The following SLC35G1 variants were observed in gnomAD, a reference collection of about 807,000 sequenced individuals.
The protein encoded by SLC35G1 is partner of STIM1.
A neutral mutation model predicts 17.1 loss-of-function variants in SLC35G1; 10 were observed. The observed-to-expected ratio is 0.59, with a 90% CI of 0.36 to 0.99. SLC35G1 has a LOEUF of 0.99. SLC35G1 is among the 50% of genes least tolerant of loss of function. The pLI is 0.01. For missense variants in SLC35G1, 433 were observed against 468.4 expected, an observed-to-expected ratio of 0.92 and a Z score of 0.70; for synonymous variants, 185 against 181.1, an observed-to-expected ratio of 1.02 and a Z score of -0.18.
chr10:93,894,251 G>GGGTCCCGAGCGGGCGCCGGC, intron 1 of SLC35G1, 40 bp downstream of exon 1: 11 of 1,304,758 alleles, frequency 8.4e-6, no homozygotes, highest in Non-Finnish European at 9.7e-6. Context: ...TCTCGCTCGG[G>GGGTCCCGAGCGGGCGCCGGC]GGTCCCGAGC....
At position 93,902,605 on chromosome 10, in the gene SLC35G1, CTTATT is replaced by C. The variant is rs1271723921; in HGVS notation, c.*1118_*1122del. The C allele has an allele frequency of 6.6e-6, 1 of 152,426 alleles. No homozygotes were observed. Among genetic ancestry groups the C allele is most frequent in the Admixed American group, 6.6e-5 (1 of 15,256 alleles). The allele number at this position is 152,426 out of a possible 1,614,324, so 9.4% of individuals were successfully genotyped here. On this transcript the variant is annotated 3_prime_UTR_variant, in exon 3 of 3. Coordinates refer to ENST00000427197, the MANE Select transcript of SLC35G1 (RefSeq NM_001134658.3). ...TTTTAAAATATGGTAATGTATTAAA[CTTATT>C]TTTATAGTTATGAAATTATGTGTAA...
Position 93,900,909 on chromosome 10 carries a change from T to G in SLC35G1, c.517T>G (p.Phe173Val). The G allele has an allele frequency of 6.2e-7, 1 of 1,614,052 alleles. No homozygotes were observed. Among genetic ancestry groups the G allele is most frequent in the Non-Finnish European group, 8.5e-7 (1 of 1,179,964 alleles). The change falls in exon 3 of 3, where the codon TTT (phenylalanine) becomes GTT (valine). Residue 173 changes from phenylalanine (F) to valine (V), a missense_variant. By Grantham distance (50) the Phe-to-Val change is conservative. Transcript: ENST00000427197. ...TAGCAGTCCAGTGTTTACGTCCATA[T>G]TTGCTTGGATATGTCTCAAGGAAAA... ...TFSSPVFTSI[F>V]AWICLKEKYS...
intron 2 of SLC35G1, 24 bp downstream of exon 2, chr10:93,898,775 T>C (rs750937334): frequency 5.7e-6 from 9 of 1,579,102 alleles, no homozygotes; most frequent in Non-Finnish European, 7.7e-6. Flanking sequence ...AACTGCAAAG[T>C]AGAAGATATT....
chr10:93,906,660 C>T (rs958382706), downstream of SLC35G1, among the ~76,000 whole-genome samples: 1 of 152,060 alleles, frequency 6.6e-6, no homozygotes, highest in Non-Finnish European at 1.5e-5. Flanking sequence ...AAAGGTAGGA[C>T]ATTTTCATGG....
Position 93,898,747 on chromosome 10 carries a change from AG to A in SLC35G1, c.356del (p.Arg119LysfsTer6). The A allele has an allele frequency of 6.3e-7, 1 of 1,596,056 alleles. No homozygotes were observed. On this transcript the variant is annotated frameshift_variant, in exon 2 of 3. Coordinates refer to ENST00000427197, the MANE Select transcript of SLC35G1 (RefSeq NM_001134658.3). LOFTEE classifies it high-confidence loss of function. ...AGTTGTTATCCCTTGCTTAATATAC[AG>A]AAAGTAAGTATTTTTTAACTGCAAA... Reference protein sequence around the residue: ...MLVVIPCLIYRKTGFIGPKGQ... With the variant: ...MLVVIPCLIYXKTGFIGPKGQ...
downstream of SLC35G1, among the ~76,000 whole-genome samples, chr10:93,905,058 A>G (rs529540218): frequency 1.1e-4 from 17 of 152,196 alleles, no homozygotes; most frequent in South Asian, 1.2e-3. Context: ...CGCAGGTGTT[A>G]CCACCTTTCC....
downstream of SLC35G1, chr10:93,908,253 C>T (rs1023511868): frequency 6.6e-6 from 1 of 152,228 alleles, no homozygotes; most frequent in Non-Finnish European, 1.5e-5. Flanking sequence ...GCTTCTTAAT[C>T]TTTGTCTCAT....
At chr10:93,895,851 GAGA>G (rs1261838161) in intron 1 of SLC35G1, among the ~76,000 whole-genome samples, 2 of 152,164 alleles carry the variant, frequency 1.3e-5, no homozygotes, top group Admixed American at 6.5e-5. Context: ...CTGAAGCAAG[GAGA>G]AGTAGTTTCT....
chr10:93,908,124 A>G (rs1204476233), downstream of SLC35G1: 1 of 152,218 alleles, frequency 6.6e-6, no homozygotes, highest in Non-Finnish European at 1.5e-5. Context: ...TATATCCTCC[A>G]AGATCCTAGA....
At chr10:93,899,914 C>T (rs2060366712) in intron 2 of SLC35G1, among the ~76,000 whole-genome samples, 1 of 152,148 alleles carries the variant, frequency 6.6e-6, no homozygotes, top group Non-Finnish European at 1.5e-5. Context: ...GTTTTATTAT[C>T]ATGGAAGACT....
chr10:93,899,640 A>C (rs529359375), intron 2 of SLC35G1, among the ~76,000 whole-genome samples: 1 of 152,214 alleles, frequency 6.6e-6, no homozygotes, highest in African/African-American at 2.4e-5. Context: ...GTGCGGATTC[A>C]CTTAGAATAG....
At chr10:93,895,475 CCT>C (rs2060321500) in intron 1 of SLC35G1, among the ~76,000 whole-genome samples, 1 of 152,168 alleles carries the variant, frequency 6.6e-6, no homozygotes, top group Admixed American at 6.5e-5. Context: ...TAAAGTTTCC[CCT>C]TTTTGTGAAT....
intron 2 of SLC35G1, 95 bp from the exon 3 acceptor site, chr10:93,900,657 A>T: frequency 5.9e-6 from 6 of 1,018,186 alleles, no homozygotes; most frequent in South Asian, 2.1e-5. Context: ...ATTTTTTGAT[A>T]TTTAGTACTT....
chr10:93,901,130 A>C lies in SLC35G1; in HGVS notation c.738A>C (p.Gly246=). The C allele has an allele frequency of 6.2e-7, 1 of 1,614,080 alleles. No individual in the cohort carries two copies. The highest frequency in any genetic ancestry group is 1.1e-5 in the South Asian group (1 of 91,078). The stretch of plus-strand genomic sequence containing the variant: ...CTCTAGTTATCCTAAGAAAAATGGG[A>C]AAATCTGTGGACTACTTTCTGAGCA... ...ASTLVILRKM[G]KSVDYFLSIW... is the part of the protein sequence containing the mutation. Residue 246 remains glycine (G), a synonymous_variant, in exon 3 of 3, where the codon GGA becomes GGC. Coordinates refer to ENST00000427197, the MANE Select transcript of SLC35G1 (RefSeq NM_001134658.3).
downstream of SLC35G1, among the ~76,000 whole-genome samples, chr10:93,905,449 A>G (rs1243505961): frequency 4.6e-5 from 7 of 152,172 alleles, no homozygotes; most frequent in Non-Finnish European, 1.0e-4. Context: ...ATTCTGCAAG[A>G]TAACCTATCA....
At position 93,900,734 on chromosome 10, in the gene SLC35G1, C is replaced by T; in HGVS notation, c.360-18C>T. 1 of 1,511,244 alleles carries T rather than the reference C, an allele frequency of 6.6e-7. No individual in the cohort carries two copies. The allele number at this position is 1,511,244 out of a possible 1,614,324, so 93.6% of individuals were successfully genotyped here. A position where few individuals can be genotyped will look rare whatever the true frequency, so the allele number is the denominator to read the frequency against. On this transcript the variant is annotated intron_variant, in intron 2 of 2. Transcript: ENST00000427197. ...TATTAATTTCATTTAATATGCATTT[C>T]TTCATTTGAATTTACAGAACTGGGT...
chr10:93,901,285 G>A lies in SLC35G1; in HGVS notation c.893G>A (p.Gly298Asp). The A allele has an allele frequency of 1.2e-6, 2 of 1,613,852 alleles. No individual in the cohort carries two copies. The highest frequency in any genetic ancestry group is 1.7e-6 in the Non-Finnish European group (2 of 1,179,892). The change falls in exon 3 of 3, where the codon GGT (glycine) becomes GAT (aspartate). Residue 298 changes from glycine to aspartate, a missense_variant. Gly to Asp is a moderately conservative substitution (Grantham distance 94). Coordinates refer to ENST00000427197, the MANE Select transcript of SLC35G1 (RefSeq NM_001134658.3). ...LIFIGLFGLGGQIFITKALQI... is the reference protein window; with the variant it reads ...LIFIGLFGLGDQIFITKALQI... ...TTCATTGGGCTCTTTGGTTTGGGGG[G>A]TCAGATATTTATCACAAAAGCACTT...
chr10:93,908,260 T>G (rs543515801), downstream of SLC35G1: 1 of 152,372 alleles, frequency 6.6e-6, no homozygotes, highest in South Asian at 2.1e-4. Context: ...AATCTTTGTC[T>G]CATTCCCTCA....
intron 2 of SLC35G1, among the ~76,000 whole-genome samples, chr10:93,900,197 T>C (rs541377526): frequency 4.5e-4 from 69 of 152,366 alleles, no homozygotes; most frequent in African/African-American, 1.5e-3. Flanking sequence ...TTGTCTCATA[T>C]TCAATGACTA....
Sources: gnomAD v4.1 joint callset for allele counts (sites outside exome capture counted in the v4.1 genomes callset) on GRCh38, gnomAD v4.1.1 for gene constraint, MANE v1.5 for transcripts, NCBI Gene and HGNC (gene_info 2026-07-23, HGNC 2026-07-21) for gene names.